The following SLC34A3 variants were observed in gnomAD, a reference collection of about 807,000 sequenced individuals.
SLC34A3 encodes sodium-dependent phosphate transport protein 2C.
In SLC34A3, 60 loss-of-function variants were observed where a neutral mutation model predicts 43.9. The observed-to-expected ratio is 1.37, with a 90% CI of 1.11 to 1.70. SLC34A3 has a LOEUF of 1.70. Ranked by LOEUF, SLC34A3 falls within the 40% of genes most tolerant of loss-of-function variation. The probability of loss-of-function intolerance (pLI) is 0.00; values close to 1 mark genes in which losing one functional copy is unlikely to be tolerated. For missense variants in SLC34A3, 969 were observed against 823.8 expected (o/e 1.18, Z -2.16); for synonymous variants, 451 against 386.2 (o/e 1.17, Z -1.97).
chr9:137,231,304 G>A (rs1201979748), intron 1 of SLC34A3, among the ~76,000 whole-genome samples: 4 of 152,166 alleles, frequency 2.6e-5, no homozygotes, highest in Non-Finnish European at 4.4e-5. Flanking sequence ...AGTCTAAGTC[G>A]GGACCATCCA....
At position 137,232,594 on chromosome 9, in the gene SLC34A3, G is replaced by C. The variant is rs781272303; in HGVS notation, c.195G>C (p.Arg65Ser). The C allele has an allele frequency of 5.0e-6, 8 of 1,609,136 alleles. No individual in the cohort carries two copies. The South Asian group carries it at 7.7e-5, about 16-fold the overall frequency. Reference protein sequence around the residue: ...QPWKELRVAGRLRRVAGSVLK... With the variant: ...QPWKELRVAGSLRRVAGSVLK... ...CCTCAGAGCTCCGCGTGGCCGGCAGGCTGCGCCGCGTGGCCGGCAGCGTCC... is the reference window on the plus strand; with the variant it reads ...CCTCAGAGCTCCGCGTGGCCGGCAGCCTGCGCCGCGTGGCCGGCAGCGTCC... Residue 65 changes from arginine to serine, a missense_variant, in exon 4 of 13, where the codon AGG (arginine) becomes AGC (serine). Transcript: ENST00000673835.
intron 5 of SLC34A3, 22 bp from the exon 6 acceptor site, chr9:137,232,982 G>A: frequency 6.2e-7 from 1 of 1,609,644 alleles, no homozygotes; most frequent in Non-Finnish European, 8.5e-7. Context: ...GCCGCAGGCT[G>A]ACTCAGCCCC....
intron 4 of SLC34A3, 40 bp downstream of exon 4, chr9:137,232,743 C>T (rs1836301950): frequency 1.2e-6 from 2 of 1,612,826 alleles, no homozygotes; most frequent in Non-Finnish European, 1.7e-6. Context: ...GGCGGGCAAC[C>T]AGCCCTCCGC....
At chr9:137,233,981 A>G (rs1318926224) in intron 9 of SLC34A3, 40 bp downstream of exon 9, 1 of 835,844 alleles carries the variant, frequency 1.2e-6, no homozygotes, top group South Asian at 3.1e-5. Context: ...CACCCCCCAC[A>G]CTCCCCCTCA....
At position 137,232,890 on chromosome 9, in the gene SLC34A3, GTCC is replaced by G; in HGVS notation, c.418_420del (p.Ser140del). ...CAGCCCTGGTGCAGAGTTCCAGCACGTCCTCCTCCATCGTGGTCAGCATGGTGG... is the reference window on the plus strand; with the variant it reads ...CAGCCCTGGTGCAGAGTTCCAGCACGTCCTCCATCGTGGTCAGCATGGTGG... On this transcript the variant is annotated inframe_deletion, in exon 5 of 13. Coordinates refer to ENST00000673835, the MANE Select transcript of SLC34A3 (RefSeq NM_001177316.2). 6.2e-7 allele frequency: 1 copy of G among 1,610,566 alleles called. No individual in the cohort carries two copies. The highest frequency in any genetic ancestry group is 8.5e-7 in the Non-Finnish European group (1 of 1,178,922).
intron 8 of SLC34A3, 57 bp downstream of exon 8, chr9:137,233,779 T>TTGGGGGGCCCCCCCCCCCCCCCCCCC: frequency 6.9e-7 from 1 of 1,445,818 alleles, no homozygotes; most frequent in Non-Finnish European, 9.6e-7. Context: ...TGCTGAGTCA[T>TTGGGGGGCCCCCCCCCCCCCCCCCCC]CCCGCCCCAC....
At position 137,236,418 on chromosome 9, in the gene SLC34A3, G is replaced by A. The variant is rs375926461; in HGVS notation, c.*2G>A. ...ATCTTGGCCTCCCAGCAGTTGTGAC[G>A]GGCAGTTGCTGAGCAGACCGCCCCA... On this transcript the variant is annotated 3_prime_UTR_variant, in exon 13 of 13. Transcript: ENST00000673835. 113 of 1,536,208 alleles carry A rather than the reference G, an allele frequency of 7.4e-5. No individual in the cohort carries two copies. Among genetic ancestry groups the A allele is most frequent in the Middle Eastern group, 5.0e-4 (3 of 5,986 alleles).
chr9:137,235,954 C>T lies in SLC34A3; in HGVS notation c.1338C>T (p.Val446=), dbSNP rs574491402. The change falls in exon 13 of 13, where the codon GTC becomes GTT. Residue 446 remains valine (V), a splice_region_variant and synonymous_variant. Coordinates refer to ENST00000673835, the MANE Select transcript of SLC34A3 (RefSeq NM_001177316.2). Reference sequence around the variant, plus strand: ...CCTGACAGCCCCCTCGCCCCCAGGTCGCCCTCATCCACTTCTTCTTCAACC... The same window carrying T: ...CCTGACAGCCCCCTCGCCCCCAGGTTGCCCTCATCCACTTCTTCTTCAACC... ...PADRMLSALQ[V]ALIHFFFNLA... 6.2e-6 allele frequency: 10 copies of T among 1,611,450 alleles called. No individual in the cohort carries two copies. The highest frequency in any genetic ancestry group is 2.7e-5 in the African/African-American group (2 of 75,028).
At position 137,234,998 on chromosome 9, in the gene SLC34A3, C is replaced by G. The variant is rs80295920; in HGVS notation, c.1335+267C>G. On this transcript the variant is annotated intron_variant, in intron 12 of 12. Transcript: ENST00000673835. This position sits in a 1 kb window ranked among gnomAD's most constrained non-coding sequence, Gnocchi z 6.9. ...TCTTTGCTGTGTCCCTGGGGGCCTG[C>G]CCCCAGCATCTCAGGGGGCTCTAAG... 0.14 allele frequency among the ~76,000 whole-genome samples: 21,563 copies of G among 152,146 alleles called. 1,731 individuals are homozygous for G. Among genetic ancestry groups the G allele is most frequent in the East Asian group, 0.3 (1,546 of 5,150 alleles).
chr9:137,232,239 G>C (rs948325121), intron 3 of SLC34A3, 78 bp downstream of exon 3: 20 of 1,391,102 alleles, frequency 1.4e-5, no homozygotes, highest in Non-Finnish European at 1.5e-5. Flanking sequence ...AGCAGGGTGG[G>C]GCCTGCCCAA....
chr9:137,230,544 TC>T (rs1436590849), upstream of SLC34A3, among the ~76,000 whole-genome samples: 2 of 152,178 alleles, frequency 1.3e-5, no homozygotes, highest in Non-Finnish European at 1.5e-5. Context: ...GTCTCTCGAC[TC>T]CCGGGCAGCC....
rs373242362 is a variant in SLC34A3 at position 137,234,630 on chromosome 9, C to T, written c.1234C>T (p.Arg412Trp). Residue 412 changes from arginine (R) to tryptophan (W), a missense_variant, in exon 12 of 13, where the codon CGG becomes TGG. Arg to Trp is a moderately radical substitution (Grantham distance 101). Transcript: ENST00000673835. This position sits in a 1 kb window ranked among gnomAD's most constrained non-coding sequence, Gnocchi z 6.9. ...LMGVGVISLDRAYPLLLGSNI... is the reference protein window; with the variant it reads ...LMGVGVISLDWAYPLLLGSNI... ...AGGGGTCGGGGTGATCAGTCTGGACCGGGCGTACCCCCTCTTACTGGGCTC... is the reference window on the plus strand; with the variant it reads ...AGGGGTCGGGGTGATCAGTCTGGACTGGGCGTACCCCCTCTTACTGGGCTC... 2.2e-5 allele frequency: 36 copies of T among 1,612,330 alleles called. 1 individual carries two copies. Among genetic ancestry groups the T allele is most frequent in the South Asian group, 8.8e-5 (8 of 91,088 alleles).
At chr9:137,230,105 G>A (rs997002575), upstream of SLC34A3, among the ~76,000 whole-genome samples, 3 of 152,166 alleles carry the variant, frequency 2.0e-5, no homozygotes, top group African/African-American at 7.2e-5. Context: ...CAGCCCCTGG[G>A]CAGGGTGAGC....
rs746020074 is a variant in SLC34A3, at chr9:137,232,908, C to G, written c.429C>G (p.Val143=). 6.2e-7 allele frequency: 1 copy of G among 1,608,660 alleles called. No homozygotes were observed. Among genetic ancestry groups the G allele is most frequent in the South Asian group, 1.1e-5 (1 of 90,412 alleles). ...QSSSTSSSIV[V]SMVAAKLLTV... is the part of the protein sequence containing the mutation. ...CCAGCACGTCCTCCTCCATCGTGGT[C>G]AGCATGGTGGCTGCTAAGCGTGGGT... Residue 143 remains valine (V), a synonymous_variant, in exon 5 of 13, where the codon GTC becomes GTG. Transcript: ENST00000673835.
In SLC34A3 at chr9:137,234,742, C is replaced by T; in HGVS notation, c.1335+11C>T. The T allele has an allele frequency of 6.2e-7, 1 of 1,606,446 alleles. No individual in the cohort carries two copies. The highest frequency in any genetic ancestry group is 8.5e-7 in the Non-Finnish European group (1 of 1,179,778). ...CTCAGCGCCCTGCAGGTACTGTCCA[C>T]CCTGCCCCGCTGCCAGAACTGGCCA... On this transcript the variant is annotated intron_variant, in intron 12 of 12. Transcript: ENST00000673835. The surrounding 1 kb of genome is among the most constrained non-coding windows in gnomAD (Gnocchi z 6.9).
Position 137,234,053 on chromosome 9 carries a change from GCCCACCC to G in SLC34A3, c.926-54_926-48del. ...CGGACAGGCTGCCCTGTGAGGCCCGGCCCACCCCGGCCCACCCCCCAGGCTCCCCCTC... is the reference window on the plus strand; with the variant it reads ...CGGACAGGCTGCCCTGTGAGGCCCGGCGGCCCACCCCCCAGGCTCCCCCTC... On this transcript the variant is annotated intron_variant, in intron 9 of 12. Transcript: ENST00000673835. This position sits in a 1 kb window ranked among gnomAD's most constrained non-coding sequence, Gnocchi z 6.9. 5.4e-6 allele frequency: 7 copies of G among 1,302,224 alleles called. No homozygotes were observed. The highest frequency in any genetic ancestry group is 7.4e-6 in the Non-Finnish European group (7 of 939,774). 80.7% of individuals were successfully genotyped at this position (1,302,224 alleles called of 1,614,324 possible).
chr9:137,234,435 C>T lies in SLC34A3; in HGVS notation c.1113C>T (p.Gly371=), dbSNP rs1444168486. The T allele has an allele frequency of 2.5e-6, 4 of 1,598,708 alleles. No individual in the cohort carries two copies. Among genetic ancestry groups the T allele is most frequent in the Admixed American group, 1.7e-5 (1 of 59,946 alleles). ...VINADFPFPL[G]WLGGYLAVLA... ...CCACAGACTTCCCCTTCCCGCTGGG[C>T]TGGCTCGGCGGCTACCTGGCCGTCC... The change falls in exon 11 of 13, where the codon GGC becomes GGT. Residue 371 remains glycine (G), a synonymous_variant. Transcript: ENST00000673835. This position sits in a 1 kb window ranked among gnomAD's most constrained non-coding sequence, Gnocchi z 6.9.
Position 137,234,056 on chromosome 9 carries a change from C to T in SLC34A3, c.926-53C>T, listed in dbSNP as rs1319162305. 6.2e-6 allele frequency: 8 copies of T among 1,298,428 alleles called. No homozygotes were observed. In the African/African-American group the frequency reaches 1.2e-4, roughly 19 times the overall value. The allele number at this position is 1,298,428 out of a possible 1,614,324, so 80.4% of individuals were successfully genotyped here. A position where few individuals can be genotyped will look rare whatever the true frequency, so the allele number is the denominator to read the frequency against. ...ACAGGCTGCCCTGTGAGGCCCGGCC[C>T]ACCCCGGCCCACCCCCCAGGCTCCC... On this transcript the variant is annotated intron_variant, in intron 9 of 12. Coordinates refer to ENST00000673835, the MANE Select transcript of SLC34A3 (RefSeq NM_001177316.2). This position sits in a 1 kb window ranked among gnomAD's most constrained non-coding sequence, Gnocchi z 6.9.
In SLC34A3 at chr9:137,234,110, C is replaced by A; in HGVS notation, c.927C>A (p.Cys309Ter). The A allele has an allele frequency of 6.4e-7, 1 of 1,572,308 alleles. No homozygotes were observed. Among genetic ancestry groups the A allele is most frequent in the East Asian group, 2.3e-5 (1 of 43,492 alleles). ...NSTAPADRLP[C>*]RHLFAGTELT... The stretch of plus-strand genomic sequence containing the variant: ...CACCTGCCCCTGCCCTGCCCCCAGG[C>A]CGCCACCTGTTTGCGGGCACGGAGC... The change falls in exon 10 of 13, where the codon TGC (cysteine) becomes TGA (stop). Residue 309 changes from cysteine (C) to a stop codon, truncating the protein, a stop_gained and splice_region_variant. Coordinates refer to ENST00000673835, the MANE Select transcript of SLC34A3 (RefSeq NM_001177316.2). LOFTEE classifies it high-confidence loss of function. This position sits in a 1 kb window ranked among gnomAD's most constrained non-coding sequence, Gnocchi z 6.9.
Sources: gnomAD v4.1 joint callset for allele counts (sites outside exome capture counted in the v4.1 genomes callset) on GRCh38, gnomAD v4.1.1 for gene constraint, Gnocchi (gnomAD v3.1) non-coding constraint, MANE v1.5 for transcripts, NCBI Gene and HGNC (gene_info 2026-07-23, HGNC 2026-07-21) for gene names.